The following RORA variants were observed in gnomAD, a reference collection of about 807,000 sequenced individuals.
The protein encoded by RORA is nuclear receptor ROR-alpha.
In RORA, 7 loss-of-function variants were observed where a neutral mutation model predicts 69.5. That is an observed-to-expected ratio of 0.10 (90% CI 0.06 to 0.19). RORA has a LOEUF of 0.19. RORA is among the 10% of genes least tolerant of loss of function. The probability of loss-of-function intolerance (pLI) is 1.00; values close to 1 mark genes in which losing one functional copy is unlikely to be tolerated. For synonymous variants in RORA, 261 were observed against 240.8 expected, an observed-to-expected ratio of 1.08 and a Z score of -0.78; for missense variants, 457 against 663.0, an observed-to-expected ratio of 0.69 and a Z score of 3.41.
intron 1 of RORA, among the ~76,000 whole-genome samples, chr15:61,174,885 T>C (rs977110085): frequency 1.3e-5 from 2 of 152,216 alleles, no homozygotes; most frequent in African/African-American, 4.8e-5. Context: ...CATCATTTTC[T>C]ACATGAGAGC....
In RORA at chr15:61,061,164, T is replaced by A. The variant is rs903580416; in HGVS notation, c.166+167889A>T. Among the ~76,000 whole-genome samples, 1 of 151,872 alleles carries A rather than the reference T, an allele frequency of 6.6e-6. No homozygotes were observed. Among genetic ancestry groups the A allele is most frequent in the African/African-American group, 2.4e-5 (1 of 41,330 alleles). ...ATCAGGAGATCGAGACCATCCTGGC[T>A]AACATGGTGAAACCCCGTCTCTACT... On this transcript the variant is annotated intron_variant, in intron 1 of 10. Transcript: ENST00000335670. This position sits in a 1 kb window ranked among gnomAD's most constrained non-coding sequence, Gnocchi z 4.4.
chr15:60,608,571 C>G (rs2069006100), intron 2 of RORA, among the ~76,000 whole-genome samples: 1 of 152,166 alleles, frequency 6.6e-6, no homozygotes, highest in South Asian at 2.1e-4. Flanking sequence ...GTATTGAAAA[C>G]TGATTTCCTG....
At chr15:61,003,194 A>C (rs1316359285) in intron 1 of RORA, among the ~76,000 whole-genome samples, 2 of 152,108 alleles carry the variant, frequency 1.3e-5, no homozygotes, top group African/African-American at 4.8e-5. Flanking sequence ...AACATTCTGT[A>C]TCAATCTATG....
intron 1 of RORA, among the ~76,000 whole-genome samples, chr15:60,697,153 A>T (rs2070917434): frequency 6.6e-6 from 1 of 152,218 alleles, no homozygotes; most frequent in African/African-American, 2.4e-5. Context: ...ACAGGGCGAG[A>T]GATTTTTAAG....
At chr15:60,986,357 C>A (rs1894202324) in intron 1 of RORA, among the ~76,000 whole-genome samples, 1 of 152,212 alleles carries the variant, frequency 6.6e-6, no homozygotes, top group South Asian at 2.1e-4. Flanking sequence ...TGGTCTTGAT[C>A]TCCTGATGAT....
intron 1 of RORA, among the ~76,000 whole-genome samples, chr15:60,714,355 G>C (rs1441500126): frequency 6.6e-6 from 1 of 151,448 alleles, no homozygotes; most frequent in Non-Finnish European, 1.5e-5. Context: ...CACCGCATCT[G>C]GCCAATTCTT....
intron 1 of RORA, among the ~76,000 whole-genome samples, chr15:60,744,991 C>T (rs1031618592): frequency 6.6e-6 from 1 of 152,212 alleles, no homozygotes; most frequent in Non-Finnish European, 1.5e-5. Context: ...CCAGCCTATG[C>T]CTGGCCACCG....
At chr15:60,566,161 G>T (rs1378131717) in intron 2 of RORA, among the ~76,000 whole-genome samples, 1 of 152,106 alleles carries the variant, frequency 6.6e-6, no homozygotes, top group Non-Finnish European at 1.5e-5. Context: ...ATGGAGAGCA[G>T]AGTTCAAAAT....
intron 1 of RORA, among the ~76,000 whole-genome samples, chr15:60,863,953 C>A (rs1269394963): frequency 6.6e-6 from 1 of 152,106 alleles, no homozygotes; most frequent in Non-Finnish European, 1.5e-5. Context: ...ACTACAGGTG[C>A]GTGCCACTGT....
At chr15:60,859,745 C>A (rs2073419318) in intron 1 of RORA, among the ~76,000 whole-genome samples, 2 of 149,212 alleles carry the variant, frequency 1.3e-5, no homozygotes, top group South Asian at 2.1e-4. Context: ...GATTTGTGGC[C>A]ACACTGAAGA....
At chr15:60,555,964 T>C (rs1306388105) in intron 2 of RORA, among the ~76,000 whole-genome samples, 2 of 152,160 alleles carry the variant, frequency 1.3e-5, no homozygotes, top group Non-Finnish European at 2.9e-5. Flanking sequence ...TGGGTAGTGA[T>C]TGTGGAACCT....
intron 1 of RORA, among the ~76,000 whole-genome samples, chr15:60,748,322 A>C (rs1279084542): frequency 1.0e-5 from 1 of 100,220 alleles, no homozygotes; most frequent in Non-Finnish European, 2.2e-5. Context: ...AAAAAAAAAA[A>C]AAACACACAC....
At chr15:60,689,275 A>G (rs980165587) in intron 1 of RORA, among the ~76,000 whole-genome samples, 4 of 152,194 alleles carry the variant, frequency 2.6e-5, no homozygotes, top group African/African-American at 7.2e-5. Flanking sequence ...TCTGATGGCA[A>G]TGCATCTTAC....
intron 1 of RORA, among the ~76,000 whole-genome samples, chr15:60,730,269 T>C (rs1249906552): frequency 1.3e-5 from 2 of 152,144 alleles, no homozygotes; most frequent in Admixed American, 1.3e-4. Context: ...CACATGACAC[T>C]CGGATGTGAC....
chr15:61,135,620 A>G (rs1260270334), intron 1 of RORA, among the ~76,000 whole-genome samples: 1 of 150,086 alleles, frequency 6.7e-6, no homozygotes, highest in Admixed American at 6.6e-5. Context: ...ACCAAATCCT[A>G]AAACCATGCG....
intron 2 of RORA, among the ~76,000 whole-genome samples, chr15:60,559,723 T>G (rs1378836253): frequency 1.3e-5 from 2 of 152,238 alleles, no homozygotes; most frequent in Non-Finnish European, 2.9e-5. Flanking sequence ...TTTCTGTTAT[T>G]TGCATTACGG....
chr15:60,613,850 T>C (rs1279490747), intron 2 of RORA, among the ~76,000 whole-genome samples: 1 of 151,624 alleles, frequency 6.6e-6, no homozygotes, highest in Non-Finnish European at 1.5e-5. Flanking sequence ...GGTAGACAGT[T>C]CATGGGAAGG....
At chr15:61,223,239 G>A (rs746551436) in intron 1 of RORA, among the ~76,000 whole-genome samples, 6 of 151,132 alleles carry the variant, frequency 4.0e-5, no homozygotes, top group African/African-American at 9.7e-5. Flanking sequence ...GCTTGAACCC[G>A]GGAGGCAGAG....
At chr15:60,529,876 C>T (rs915435180) in intron 3 of RORA, 16 of 152,180 alleles carry the variant, frequency 1.1e-4, no homozygotes, top group African/African-American at 3.4e-4. Context: ...TCACTTCTGT[C>T]AATTCCTAGA....
Sources: allele counts gnomAD v4.1 joint callset (sites outside exome capture counted in the v4.1 genomes callset), GRCh38; gene constraint gnomAD v4.1.1; non-coding constraint Gnocchi (gnomAD v3.1); transcripts MANE v1.5; gene names NCBI Gene and HGNC (gene_info 2026-07-23, HGNC 2026-07-21).